The following DCAF1 variants were observed in gnomAD, a reference collection of about 807,000 sequenced individuals.
DCAF1 encodes the protein DDB1 and CUL4 associated factor 1, also known as DDB1- and CUL4-associated factor 1.
DCAF1 carries 15 observed loss-of-function variants against 128.0 expected under a neutral mutation model. That is an observed-to-expected ratio of 0.12 (90% CI 0.08 to 0.18). DCAF1 has a LOEUF of 0.18. Ranked by LOEUF, DCAF1 falls within the 10% of genes least tolerant of loss-of-function variation. The probability of loss-of-function intolerance (pLI) is 1.00; values close to 1 mark genes in which losing one functional copy is unlikely to be tolerated. For synonymous variants in DCAF1, 610 were observed against 603.0 expected (o/e 1.01, Z -0.17); for missense variants, 988 against 1,649.5 (o/e 0.60, Z 6.95).
intron 9 of DCAF1, among the ~76,000 whole-genome samples, chr3:51,434,056 T>G (rs1439574976): frequency 2.4e-4 from 36 of 148,372 alleles, no homozygotes; most frequent in Non-Finnish European, 3.6e-4. Flanking sequence ...CACTGCAGCC[T>G]GGGCGACGGA....
At chr3:51,433,304 A>G (rs1034588021) in intron 9 of DCAF1, 40 bp from the exon 10 acceptor site, 5 of 398,474 alleles carry the variant, frequency 1.3e-5, no homozygotes, top group East Asian at 7.1e-5. Flanking sequence ...AATAATCTAG[A>G]AAATTAACAA....
chr3:51,407,484 C>T (rs1281425494), intron 23 of DCAF1, among the ~76,000 whole-genome samples: 2 of 152,164 alleles, frequency 1.3e-5, no homozygotes, highest in African/African-American at 4.8e-5. Flanking sequence ...ACAGGAAGCA[C>T]AGCACACAGT....
intron 2 of DCAF1, among the ~76,000 whole-genome samples, chr3:51,491,011 A>G (rs1376877027): frequency 1.3e-5 from 2 of 150,814 alleles, no homozygotes; most frequent in Admixed American, 6.7e-5. Flanking sequence ...TGTAATTGCA[A>G]GGAAACCTGA....
At position 51,414,847 on chromosome 3, in the gene DCAF1, A is replaced by G; in HGVS notation, c.3614T>C (p.Ile1205Thr). 6.2e-7 allele frequency: 1 copy of G among 1,613,740 alleles called. No individual in the cohort carries two copies. The highest frequency in any genetic ancestry group is 8.5e-7 in the Non-Finnish European group (1 of 1,179,690). Residue 1205 changes from isoleucine (I) to threonine (T), a missense_variant, in exon 19 of 25, where the codon ATT becomes ACT. Physicochemically the swap from Ile to Thr is moderately conservative, Grantham distance 89. Around this residue, in one of 11 missense-constraint regions of DCAF1, gnomAD observed 61 missense variants for 78.3 expected, o/e 0.78. Transcript: ENST00000684031. ...TKGDIAHIYD[I>T]QTGNKLLTLF... is the part of the protein sequence containing the mutation. ...AGTCAACAGCTTGTTGCCAGTCTGAATATCATAAATCTTTAGAGAAGAAGG... is the reference window on the plus strand; with the variant it reads ...AGTCAACAGCTTGTTGCCAGTCTGAGTATCATAAATCTTTAGAGAAGAAGG...
At position 51,402,471 on chromosome 3, in the gene DCAF1, G is replaced by A. The variant is rs1471491520; in HGVS notation, c.4465+672C>T. Reference sequence around the variant, plus strand: ...CAAAACAAAGTTTTATTAGAACACAGCCACAATCATTCATTTACGGATTGT... The same window carrying A: ...CAAAACAAAGTTTTATTAGAACACAACCACAATCATTCATTTACGGATTGT... On this transcript the variant is annotated intron_variant, in intron 24 of 24. Coordinates refer to ENST00000684031, the MANE Select transcript of DCAF1 (RefSeq NM_001387579.1). Among the ~76,000 whole-genome samples the A allele has an allele frequency of 2.7e-5, 4 of 150,468 alleles. No individual in the cohort carries two copies. The East Asian group carries it at 7.8e-4, about 29-fold the overall frequency.
chr3:51,456,364 C>T (rs567440534), intron 6 of DCAF1, among the ~76,000 whole-genome samples: 4 of 152,154 alleles, frequency 2.6e-5, no homozygotes, highest in African/African-American at 4.8e-5. Flanking sequence ...GGGGGAGGGG[C>T]GCCCGCCATT....
intron 5 of DCAF1, among the ~76,000 whole-genome samples, chr3:51,466,472 T>A (rs1553646535): frequency 6.6e-6 from 1 of 152,154 alleles, no homozygotes; most frequent in Non-Finnish European, 1.5e-5. Context: ...TCTATCCCTC[T>A]ACATGCCCAA....
intron 10 of DCAF1, among the ~76,000 whole-genome samples, chr3:51,432,763 G>C (rs923154113): frequency 5.3e-5 from 8 of 152,174 alleles, no homozygotes; most frequent in African/African-American, 1.7e-4. Flanking sequence ...CCGGCCTGTT[G>C]TTTTTACAAT....
upstream of DCAF1, among the ~76,000 whole-genome samples, chr3:51,502,935 A>C (rs1708853862): frequency 6.6e-6 from 1 of 152,210 alleles, no homozygotes; most frequent in African/African-American, 2.4e-5. Context: ...CATGTGCCAG[A>C]TATACAAGCA....
chr3:51,463,420 A>AT (rs1448421899), intron 5 of DCAF1, among the ~76,000 whole-genome samples, 193 bp from the exon 6 acceptor site: 8 of 152,126 alleles, frequency 5.3e-5, no homozygotes, highest in Non-Finnish European at 1.0e-4. Flanking sequence ...AGCCATGGTG[A>AT]TACCACACAT....
chr3:51,483,138 T>C (rs1706449686), intron 3 of DCAF1, among the ~76,000 whole-genome samples: 1 of 53,004 alleles, frequency 1.9e-5, no homozygotes, highest in East Asian at 3.8e-4. Context: ...AAACTCCGTA[T>C]GAAAAAAAAA....
chr3:51,399,844 C>A (rs951665651), intron 24 of DCAF1, among the ~76,000 whole-genome samples: 12 of 152,128 alleles, frequency 7.9e-5, no homozygotes, highest in Non-Finnish European at 1.8e-4. Flanking sequence ...AAACCCTGAG[C>A]TGGAGCCCTG....
At chr3:51,427,278 C>A in intron 13 of DCAF1, 94 bp downstream of exon 13, 1 of 573,464 alleles carries the variant, frequency 1.7e-6, no homozygotes, top group Non-Finnish European at 3.2e-6. Context: ...TTCAATTCAA[C>A]AAATGTTTGT....
At chr3:51,418,388 T>TA (rs1553631204) in intron 16 of DCAF1, among the ~76,000 whole-genome samples, 190 bp from the exon 17 acceptor site, 2 of 152,076 alleles carry the variant, frequency 1.3e-5, no homozygotes, top group African/African-American at 4.8e-5. Flanking sequence ...TAGTGTCCTA[T>TA]AAAATAACCA....
chr3:51,481,942 G>T (rs1356947044), intron 3 of DCAF1, among the ~76,000 whole-genome samples: 1 of 152,134 alleles, frequency 6.6e-6, no homozygotes, highest in Non-Finnish European at 1.5e-5. Context: ...GGTGAGCCAA[G>T]ATCATGCCAA....
downstream of DCAF1, chr3:51,396,984 T>C (rs1014136036): frequency 1.8e-5 from 3 of 167,076 alleles, no homozygotes; most frequent in African/African-American, 7.2e-5. Context: ...AAGAAATACC[T>C]GTGTGACACA....
intron 9 of DCAF1, among the ~76,000 whole-genome samples, chr3:51,438,388 CG>C (rs1487198026): frequency 6.6e-6 from 1 of 152,008 alleles, no homozygotes; most frequent in Admixed American, 6.6e-5. Context: ...AAAAATAAAA[CG>C]GCATAGGTAT....
chr3:51,444,018 G>T, intron 6 of DCAF1, 115 bp from the exon 7 acceptor site: 1 of 936,654 alleles, frequency 1.1e-6, no homozygotes, highest in Non-Finnish European at 1.5e-6. Flanking sequence ...GTTCGTAAGA[G>T]TAAAAAAAGT....
chr3:51,421,667 A>G (rs1553632519), intron 14 of DCAF1, among the ~76,000 whole-genome samples: 1 of 152,192 alleles, frequency 6.6e-6, no homozygotes, highest in Non-Finnish European at 1.5e-5. Context: ...AAGAAAATTA[A>G]AAACCAAGTG....
Sources: gnomAD v4.1 joint callset for allele counts (sites outside exome capture counted in the v4.1 genomes callset) on GRCh38, gnomAD v4.1.1 for gene constraint, gnomAD v4.1.1 regional missense constraint, MANE v1.5 for transcripts, NCBI Gene and HGNC (gene_info 2026-07-23, HGNC 2026-07-21) for gene names.